CDK8: variants seen among roughly 807,000 people sequenced by gnomAD.
The protein encoded by CDK8 is cyclin-dependent kinase 8.
A neutral mutation model predicts 71.5 loss-of-function variants in CDK8; 29 were observed. That is an observed-to-expected ratio of 0.41 (90% CI 0.30 to 0.55). CDK8 has a LOEUF of 0.55. Ranked by LOEUF, CDK8 falls within the 20% of genes least tolerant of loss-of-function variation. The pLI is 0.37. For missense variants in CDK8, 288 were observed against 572.6 expected (o/e 0.50, Z 5.07); for synonymous variants, 161 against 192.1 (o/e 0.84, Z 1.34).
At chr13:26,354,004 A>C in intron 4 of CDK8, 124 bp downstream of exon 4, 1 of 782,008 alleles carries the variant, frequency 1.3e-6, no homozygotes, top group African/African-American at 1.8e-5. Flanking sequence ...TGAGAATGCT[A>C]CCTTCTCAAA....
intron 1 of CDK8, among the ~76,000 whole-genome samples, chr13:26,294,862 G>A (rs1186470109): frequency 2.0e-5 from 3 of 152,010 alleles, no homozygotes; most frequent in Non-Finnish European, 2.9e-5. Context: ...CGATTACCCC[G>A]CCTCAGCCTC....
intron 1 of CDK8, among the ~76,000 whole-genome samples, chr13:26,263,072 G>A (rs1344863811): frequency 2.6e-5 from 4 of 152,110 alleles, no homozygotes; most frequent in Non-Finnish European, 5.9e-5. Flanking sequence ...TTGTCAAGTC[G>A]TGCTAATGTA....
rs1871418513 is a variant in CDK8, at chr13:26,254,404, C to T, written c.-238C>T. 2.6e-6 allele frequency: 1 copy of T among 380,156 alleles called. No homozygotes were observed. The highest frequency in any genetic ancestry group is 3.1e-5 in the South Asian group (1 of 31,946). 23.5% of individuals were successfully genotyped at this position (380,156 alleles called of 1,614,324 possible). A position where few individuals can be genotyped will look rare whatever the true frequency, so the allele number is the denominator to read the frequency against. On this transcript the variant is annotated 5_prime_UTR_variant, in exon 1 of 13. Coordinates refer to ENST00000381527, the MANE Select transcript of CDK8 (RefSeq NM_001260.3). The surrounding 1 kb of genome is among the most constrained non-coding windows in gnomAD (Gnocchi z 6.7). ...CCCTCGTCCCTCGGCTCTCCTTCGCCGGGGGATCCTCCCCGTTCCTCCACC... is the reference window on the plus strand; with the variant it reads ...CCCTCGTCCCTCGGCTCTCCTTCGCTGGGGGATCCTCCCCGTTCCTCCACC...
At chr13:26,255,120 A>T (rs1342089003) in intron 1 of CDK8, among the ~76,000 whole-genome samples, 2 of 150,506 alleles carry the variant, frequency 1.3e-5, no homozygotes, top group African/African-American at 4.9e-5. Context: ...TCGATTTATT[A>T]TGGTAACCTT....
At chr13:26,285,253 A>C (rs1002813207) in intron 1 of CDK8, among the ~76,000 whole-genome samples, 1 of 152,120 alleles carries the variant, frequency 6.6e-6, no homozygotes, top group Non-Finnish European at 1.5e-5. Context: ...AACAAAACAA[A>C]ACAAAACAAA....
intron 7 of CDK8, among the ~76,000 whole-genome samples, chr13:26,395,475 G>A (rs1348401734): frequency 3.5e-5 from 5 of 142,760 alleles, no homozygotes; most frequent in Non-Finnish European, 6.0e-5. Context: ...TAACAAGAGC[G>A]AAACTCCGTC....
chr13:26,385,004 A>G (rs1287898386), intron 5 of CDK8, among the ~76,000 whole-genome samples: 7 of 152,218 alleles, frequency 4.6e-5, no homozygotes, highest in Admixed American at 2.6e-4. Context: ...CTATAACCCC[A>G]TTGAAGAACT....
chr13:26,353,932 A>C (rs1555232041), intron 4 of CDK8, 52 bp downstream of exon 4: 2 of 1,522,798 alleles, frequency 1.3e-6, no homozygotes, highest in Admixed American at 1.7e-5. Context: ...ACAGTTGGAT[A>C]CTTTTCTAGT....
intron 1 of CDK8, among the ~76,000 whole-genome samples, chr13:26,325,078 T>G (rs1008656992): frequency 6.6e-6 from 1 of 152,194 alleles, no homozygotes; most frequent in African/African-American, 2.4e-5. Context: ...GAGCTTGGCA[T>G]CTGGAGCTGC....
chr13:26,296,833 C>T (rs113634026), intron 1 of CDK8, among the ~76,000 whole-genome samples: 1,942 of 152,054 alleles, frequency 0.013, 16 homozygotes, highest in Admixed American at 0.02. Context: ...AAACTGAGAC[C>T]GCCTCCAAAT....
chr13:26,339,711 A>G (rs1384098557), intron 2 of CDK8, among the ~76,000 whole-genome samples: 1 of 133,358 alleles, frequency 7.5e-6, no homozygotes, highest in African/African-American at 2.6e-5. Context: ...TTATTTATTT[A>G]TTTATTTATT....
chr13:26,360,161 A>C (rs984881507), intron 4 of CDK8, among the ~76,000 whole-genome samples: 4 of 152,210 alleles, frequency 2.6e-5, no homozygotes, highest in Admixed American at 1.3e-4. Context: ...TCTGTGATAA[A>C]TTAAAAATTT....
rs76773718 is a variant in CDK8, at chr13:26,355,811, G to A, written c.456+1931G>A. 2.0e-3 allele frequency among the ~76,000 whole-genome samples: 310 copies of A among 151,948 alleles called. 2 individuals are homozygous for A. The East Asian group carries it at 0.031, about 15-fold the overall frequency. On this transcript the variant is annotated intron_variant, in intron 4 of 12. Coordinates refer to ENST00000381527, the MANE Select transcript of CDK8 (RefSeq NM_001260.3). ...GTGGCTTAAGGACATTTTTTTCCCC[G>A]TAGAGTCAGTTATGCTAAGATAGCT...
rs544296646 is a variant in CDK8 at position 26,291,767 on chromosome 13, A to G, written c.128+36998A>G. ...CATAGTTTTCCCCATCCTCACGTAT[A>G]TGCAAACTTTCTTTCCCCATCTTCA... On this transcript the variant is annotated intron_variant, in intron 1 of 12. Transcript: ENST00000381527. Among the ~76,000 whole-genome samples, 5 of 152,324 alleles carry G rather than the reference A, an allele frequency of 3.3e-5. No individual in the cohort carries two copies. In the East Asian group the frequency reaches 9.6e-4, roughly 29 times the overall value.
chr13:26,374,118 G>T (rs185612060), intron 4 of CDK8, among the ~76,000 whole-genome samples: 7 of 151,656 alleles, frequency 4.6e-5, no homozygotes, highest in Non-Finnish European at 8.8e-5. Flanking sequence ...GGAGAATGGC[G>T]TGAACCTGGG....
intron 2 of CDK8, 69 bp from the exon 3 acceptor site, chr13:26,349,003 C>A: frequency 1.1e-6 from 1 of 921,258 alleles, no homozygotes; most frequent in Non-Finnish European, 1.8e-6. Flanking sequence ...CTTTGAATTA[C>A]AAATGGTGTG....
chr13:26,388,537 A>T (rs1875589021), intron 6 of CDK8, among the ~76,000 whole-genome samples: 1 of 152,288 alleles, frequency 6.6e-6, no homozygotes, highest in East Asian at 1.9e-4. Flanking sequence ...TAAGAAAGTG[A>T]TTGCCTAATC....
intron 3 of CDK8, among the ~76,000 whole-genome samples, chr13:26,349,495 CTA>C (rs1873599080): frequency 6.6e-6 from 1 of 151,882 alleles, no homozygotes; most frequent in Non-Finnish European, 1.5e-5. Context: ...AAATTTTGCT[CTA>C]AAATAGAAAA....
rs773322070 is a variant in CDK8, at chr13:26,254,597, C to G, written c.-45C>G. On this transcript the variant is annotated 5_prime_UTR_variant, in exon 1 of 13. Transcript: ENST00000381527. The surrounding 1 kb of genome is among the most constrained non-coding windows in gnomAD (Gnocchi z 6.7). The stretch of plus-strand genomic sequence containing the variant: ...GTGCTTCCCCGGTCCCCACCCCTGC[C>G]CCCCGGCCCCCCGACCCAGCTCTCC... 3 of 1,463,406 alleles carry G rather than the reference C, an allele frequency of 2.1e-6. No homozygotes were observed. The South Asian group carries it at 3.7e-5, about 18-fold the overall frequency. 90.7% of individuals were successfully genotyped at this position (1,463,406 alleles called of 1,614,324 possible). A position where few individuals can be genotyped will look rare whatever the true frequency, so the allele number is the denominator to read the frequency against.
Sources: gnomAD v4.1 joint callset for allele counts (sites outside exome capture counted in the v4.1 genomes callset) on GRCh38, gnomAD v4.1.1 for gene constraint, Gnocchi (gnomAD v3.1) non-coding constraint, MANE v1.5 for transcripts, NCBI Gene and HGNC (gene_info 2026-07-23, HGNC 2026-07-21) for gene names.